The following USP32 variants were observed in gnomAD, a reference collection of about 807,000 sequenced individuals.
USP32 encodes the protein ubiquitin carboxyl-terminal hydrolase 32.
USP32 carries 59 observed loss-of-function variants against 204.8 expected under a neutral mutation model. The ratio of observed to expected loss-of-function variants is 0.29; its 90% confidence interval spans 0.23 to 0.36. The LOEUF is 0.36. Among genes scored for constraint, USP32 ranks in the 10% least tolerant of loss-of-function variants. USP32 has a pLI of 1.00. For missense variants in USP32, 1,160 were observed against 1,946.4 expected (o/e 0.60, Z 7.60); for synonymous variants, 517 against 678.4 (o/e 0.76, Z 3.70).
chr17:60,184,068 T>G (rs2084184748), intron 30 of USP32, among the ~76,000 whole-genome samples: 1 of 151,536 alleles, frequency 6.6e-6, no homozygotes, highest in East Asian at 2.0e-4. Flanking sequence ...GGGTGGCTCA[T>G]GAGGTCAGGA....
intron 1 of USP32, among the ~76,000 whole-genome samples, chr17:60,372,613 G>A (rs1040419910): frequency 2.0e-5 from 3 of 151,472 alleles, no homozygotes; most frequent in African/African-American, 7.3e-5. Flanking sequence ...ACTGAGGTGG[G>A]AGAATCACTT....
At chr17:60,402,185 A>G (rs937881928) in intron 1 of USP32, among the ~76,000 whole-genome samples, 1 of 152,078 alleles carries the variant, frequency 6.6e-6, no homozygotes, top group Non-Finnish European at 1.5e-5. Flanking sequence ...TCCCTTCAAA[A>G]GAGAAAGCCT....
At chr17:60,381,835 G>A (rs1043123011) in intron 1 of USP32, among the ~76,000 whole-genome samples, 1 of 152,164 alleles carries the variant, frequency 6.6e-6, no homozygotes, top group Non-Finnish European at 1.5e-5. Flanking sequence ...TTAAGATACA[G>A]AACATTTCCA....
At chr17:60,295,228 G>C (rs1326627512) in intron 3 of USP32, among the ~76,000 whole-genome samples, 1 of 146,538 alleles carries the variant, frequency 6.8e-6, no homozygotes. Context: ...CTGTTTGTAA[G>C]AGCAAAACTT....
intron 2 of USP32, among the ~76,000 whole-genome samples, chr17:60,344,690 A>G (rs539082174): frequency 1.3e-5 from 2 of 152,312 alleles, no homozygotes; most frequent in African/African-American, 4.8e-5. Context: ...CCTGAGCTCA[A>G]GTGATCCTCC....
At position 60,330,101 on chromosome 17, in the gene USP32, T is replaced by C. The variant is rs73993266; in HGVS notation, c.186+15380A>G. Among the ~76,000 whole-genome samples the C allele has an allele frequency of 2.4e-3, 370 of 152,306 alleles. 2 individuals are homozygous for C. The highest frequency in any genetic ancestry group is 8.4e-3 in the African/African-American group (351 of 41,560). ...CCCTACTCAATAGCTGATCTATTCC[T>C]AACCCAAGGAAGAAACTGAATCCTC... On this transcript the variant is annotated intron_variant, in intron 2 of 33. Transcript: ENST00000300896.
intron 5 of USP32, among the ~76,000 whole-genome samples, chr17:60,282,633 T>G (rs1217715581): frequency 1.3e-5 from 2 of 152,234 alleles, no homozygotes; most frequent in East Asian, 1.9e-4. Context: ...ATTACAGGCA[T>G]GAGCCACCGC....
At chr17:60,221,482 C>T (rs1161413944) in intron 15 of USP32, among the ~76,000 whole-genome samples, 1 of 151,464 alleles carries the variant, frequency 6.6e-6, no homozygotes, top group African/African-American at 2.4e-5. Flanking sequence ...TTAGCTTGGA[C>T]ATTATAAAAG....
intron 5 of USP32, among the ~76,000 whole-genome samples, chr17:60,281,155 C>T (rs1426642461): frequency 6.6e-6 from 1 of 152,210 alleles, no homozygotes; most frequent in Admixed American, 6.5e-5. Context: ...GATCCCAAAA[C>T]AATTATTCTC....
At chr17:60,420,305 T>C (rs1429643899) in intron 1 of USP32, among the ~76,000 whole-genome samples, 6 of 152,056 alleles carry the variant, frequency 3.9e-5, no homozygotes, top group Non-Finnish European at 8.8e-5. Context: ...AATTATGTTG[T>C]TTTAAAACTT....
rs773187833 is a variant in USP32, at chr17:60,179,364, A to G, written c.4706T>C (p.Ile1569Thr). 1.3e-4 allele frequency: 202 copies of G among 1,613,376 alleles called. No homozygotes were observed. Among genetic ancestry groups the G allele is most frequent in the Non-Finnish European group, 1.6e-4 (189 of 1,179,888 alleles). Residue 1569 changes from isoleucine to threonine, a missense_variant, in exon 34 of 34, where the codon ATA becomes ACA. Physicochemically the swap from Ile to Thr is moderately conservative, Grantham distance 89. Coordinates refer to ENST00000300896, the MANE Select transcript of USP32 (RefSeq NM_032582.4). ...CTTTGGCAGAAATTGTGCATAGTCT[A>G]TCCCCTGCTGCTCATAGAAAAGAAT... ...AYILFYEQQG[I>T]DYAQFLPKTD...
intron 26 of USP32, 59 bp downstream of exon 26, chr17:60,205,388 G>T (rs2084797284): frequency 6.3e-7 from 1 of 1,579,560 alleles, no homozygotes; most frequent in Middle Eastern, 2.0e-4. Context: ...GACAGAAAAT[G>T]ACTATTTCAC....
intron 9 of USP32, among the ~76,000 whole-genome samples, chr17:60,262,550 G>A (rs767830468): frequency 2.6e-5 from 4 of 152,140 alleles, no homozygotes; most frequent in Non-Finnish European, 4.4e-5. Context: ...TCAAAATAGT[G>A]TCAGCTGATC....
intron 2 of USP32, among the ~76,000 whole-genome samples, chr17:60,312,820 A>T (rs530096806): frequency 6.6e-6 from 1 of 152,374 alleles, no homozygotes; most frequent in South Asian, 2.1e-4. Context: ...AAAATAAGTC[A>T]TGCTGTATGT....
At chr17:60,332,135 G>A (rs2088401839) in intron 2 of USP32, among the ~76,000 whole-genome samples, 1 of 151,996 alleles carries the variant, frequency 6.6e-6, no homozygotes, top group Non-Finnish European at 1.5e-5. Context: ...GTGCATGCCT[G>A]TAGTCCCAGA....
intron 9 of USP32, among the ~76,000 whole-genome samples, chr17:60,256,094 C>G (rs1332065155): frequency 6.6e-6 from 1 of 151,928 alleles, no homozygotes; most frequent in East Asian, 1.9e-4. Context: ...GTCCCAGCTA[C>G]TCCAGAGGCT....
At position 60,205,670 on chromosome 17, in the gene USP32, A is replaced by G. The variant is rs1157850286; in HGVS notation, c.3038-12T>C. 1 of 1,613,728 alleles carries G rather than the reference A, an allele frequency of 6.2e-7. No individual in the cohort carries two copies. Among genetic ancestry groups the G allele is most frequent in the Non-Finnish European group, 8.5e-7 (1 of 1,179,774 alleles). ...CGAAGAGGAGAAATCTACAAATTCA[A>G]AGATAAGTACAGTATCATAAGCTTG... On this transcript the variant is annotated splice_polypyrimidine_tract_variant and intron_variant, in intron 25 of 33. Coordinates refer to ENST00000300896, the MANE Select transcript of USP32 (RefSeq NM_032582.4).
intron 28 of USP32, among the ~76,000 whole-genome samples, chr17:60,192,581 C>A (rs527512636): frequency 6.6e-6 from 1 of 152,044 alleles, no homozygotes; most frequent in Non-Finnish European, 1.5e-5. Flanking sequence ...ATTACAGGCA[C>A]GCATCACCAC....
intron 10 of USP32, 70 bp downstream of exon 10, chr17:60,255,105 T>C (rs2086262573): frequency 4.4e-6 from 5 of 1,131,640 alleles, no homozygotes; most frequent in Middle Eastern, 2.0e-4. Context: ...CTCTGGCTAC[T>C]ATATGATGGA....
Sources: gnomAD v4.1 joint callset for allele counts (sites outside exome capture counted in the v4.1 genomes callset) on GRCh38, gnomAD v4.1.1 for gene constraint, MANE v1.5 for transcripts, NCBI Gene and HGNC (gene_info 2026-07-23, HGNC 2026-07-21) for gene names.